The following MREG variants were observed in gnomAD, a reference collection of about 807,000 sequenced individuals.
MREG encodes the protein dilute suppressor protein homolog.
A neutral mutation model predicts 28.5 loss-of-function variants in MREG; 31 were observed. The ratio of observed to expected loss-of-function variants is 1.09; its 90% CI spans 0.82 to 1.47. MREG has a LOEUF of 1.47. MREG is among the 40% of genes most tolerant of loss of function. The probability of loss-of-function intolerance (pLI) is 0.00; values close to 1 mark genes in which losing one functional copy is unlikely to be tolerated. For missense variants in MREG, 256 were observed against 257.4 expected, an observed-to-expected ratio of 0.99 and a Z score of 0.04; for synonymous variants, 106 against 95.2, an observed-to-expected ratio of 1.11 and a Z score of -0.66.
At chr2:215,946,070 C>T (rs1692311336) in intron 3 of MREG, among the ~76,000 whole-genome samples, 1 of 151,942 alleles carries the variant, frequency 6.6e-6, no homozygotes, top group Non-Finnish European at 1.5e-5. Context: ...CCCCTGTCCC[C>T]AGAATTCCTA....
chr2:215,942,313 T>G (rs540844658), downstream of MREG, among the ~76,000 whole-genome samples: 2 of 151,878 alleles, frequency 1.3e-5, no homozygotes, highest in Admixed American at 1.3e-4. Flanking sequence ...AGACAAAAAG[T>G]GGGAAACTCT....
chr2:216,001,298 C>T (rs552823634), intron 1 of MREG, among the ~76,000 whole-genome samples: 18 of 152,220 alleles, frequency 1.2e-4, no homozygotes, highest in Non-Finnish European at 2.5e-4. Context: ...CCTGGGTTCT[C>T]ACCATATCTA....
In MREG at chr2:215,954,445, A is replaced by AAC. The variant is rs3078454; in HGVS notation, c.256-7334_256-7333dup. On this transcript the variant is annotated intron_variant, in intron 2 of 4. Transcript: ENST00000263268. ...TCCTTATTGTATTTGATCTGTGTAC[A>AAC]ACACACACACACACACACACACACA... 4.4e-3 allele frequency among the ~76,000 whole-genome samples: 607 copies of AAC among 136,574 alleles called. 2 individuals carry two copies. The highest frequency in any genetic ancestry group is 5.9e-3 in the East Asian group (27 of 4,584). 89.6% of individuals were successfully genotyped at this position (136,574 alleles called of 152,430 possible).
upstream of MREG, among the ~76,000 whole-genome samples, chr2:216,033,426 T>C (rs892990981): frequency 2.0e-5 from 3 of 152,178 alleles, no homozygotes; most frequent in Middle Eastern, 3.4e-3. Flanking sequence ...CCCAAGCAGT[T>C]GGACTCCAGT....
intron 2 of MREG, among the ~76,000 whole-genome samples, chr2:215,992,050 G>A (rs1574634447): frequency 6.6e-6 from 1 of 152,282 alleles, no homozygotes; most frequent in East Asian, 1.9e-4. Flanking sequence ...ATTTTATGAG[G>A]CCAGCCTCAT....
chr2:215,975,008 T>TTATATATATA lies in MREG; in HGVS notation c.255+21288_255+21297dup, dbSNP rs58937716. Among the ~76,000 whole-genome samples the TTATATATATA allele has an allele frequency of 1.3e-3, 139 of 106,610 alleles. 2 individuals are homozygous for TTATATATATA. Among genetic ancestry groups the TTATATATATA allele is most frequent in the Admixed American group, 3.7e-3 (33 of 8,882 alleles). 69.9% of individuals were successfully genotyped at this position (106,610 alleles called of 152,430 possible). ...GGGAGAGAATTTTATTTTATATGAA[T>TTATATATATA]TATATATATATATATATATGAAATA... On this transcript the variant is annotated intron_variant, in intron 2 of 4. Transcript: ENST00000263268.
At chr2:215,969,852 G>A (rs1693041595) in intron 2 of MREG, among the ~76,000 whole-genome samples, 6 of 152,148 alleles carry the variant, frequency 3.9e-5, no homozygotes. Flanking sequence ...GACTCCCTTT[G>A]TAAGCTTCCC....
intron 1 of MREG, among the ~76,000 whole-genome samples, chr2:216,031,491 A>AAG (rs1259797554): frequency 7.7e-6 from 1 of 130,496 alleles, no homozygotes; most frequent in Admixed American, 8.4e-5. Context: ...GAAAGAAAGA[A>AAG]AGAGAAAGAA....
At chr2:215,939,962 T>C (rs1341412236), downstream of MREG, among the ~76,000 whole-genome samples, 1 of 152,246 alleles carries the variant, frequency 6.6e-6, no homozygotes, top group Non-Finnish European at 1.5e-5. Context: ...CTAGCTATTA[T>C]GTCATTATTT....
At chr2:215,995,090 G>A (rs1341573038) in intron 2 of MREG, among the ~76,000 whole-genome samples, 1 of 152,180 alleles carries the variant, frequency 6.6e-6, no homozygotes, top group Non-Finnish European at 1.5e-5. Flanking sequence ...CCAATTATAT[G>A]CTCACAAAGG....
chr2:215,995,508 CA>C lies in MREG; in HGVS notation c.255+797del, dbSNP rs572297012. Reference sequence around the variant, plus strand: ...AGCTCCACAGCACCTCCACCCACCCCACCCCCCGCCACCAATATACACACTA... The same window carrying C: ...AGCTCCACAGCACCTCCACCCACCCCCCCCCCGCCACCAATATACACACTA... On this transcript the variant is annotated intron_variant, in intron 2 of 4. Coordinates refer to ENST00000263268, the MANE Select transcript of MREG (RefSeq NM_018000.3). 3.0e-3 allele frequency among the ~76,000 whole-genome samples: 409 copies of C among 135,480 alleles called. 13 individuals are homozygous for C. The highest frequency in any genetic ancestry group is 0.012 in the African/African-American group (345 of 28,486). 88.9% of individuals were successfully genotyped at this position (135,480 alleles called of 152,430 possible).
rs143244999 is a variant in MREG at position 216,026,473 on chromosome 2, G to T, written c.-68+6316C>A. On this transcript the variant is annotated intron_variant, in intron 1 of 3. Coordinates refer to the MREG transcript ENST00000420348. ...CTTCCCAGGGTCCAGCGATCCTCCC[G>T]TCTCAGCTTCCTGAGTAGCTGTGAC... Among the ~76,000 whole-genome samples, 591 of 152,048 alleles carry T rather than the reference G, an allele frequency of 3.9e-3. 2 individuals are homozygous for T. Among genetic ancestry groups the T allele is most frequent in the Middle Eastern group, 0.017 (5 of 294 alleles).
At chr2:215,990,722 CA>C (rs774172071) in intron 2 of MREG, among the ~76,000 whole-genome samples, 1 of 151,606 alleles carries the variant, frequency 6.6e-6, no homozygotes, top group African/African-American at 2.4e-5. Flanking sequence ...AAATGGAAAG[CA>C]AAAAAAGCAG....
intron 1 of MREG, among the ~76,000 whole-genome samples, chr2:215,999,653 G>A (rs115102162): frequency 0.011 from 1,664 of 152,328 alleles, 13 homozygotes; most frequent in Middle Eastern, 0.034. Flanking sequence ...AGTAAGCGAG[G>A]TTGAGAGCGA....
intron 2 of MREG, among the ~76,000 whole-genome samples, chr2:215,974,959 C>T (rs1465427907): frequency 7.1e-6 from 1 of 139,902 alleles, no homozygotes; most frequent in Non-Finnish European, 1.5e-5. Context: ...AAACAGCCAC[C>T]ACAAAATGTG....
intron 2 of MREG, among the ~76,000 whole-genome samples, chr2:215,949,683 C>G (rs938806368): frequency 2.6e-5 from 4 of 152,102 alleles, no homozygotes; most frequent in African/African-American, 9.7e-5. Flanking sequence ...TTGCTCTGCT[C>G]TAAGTACTAG....
At chr2:215,955,318 A>T (rs1692593901) in intron 2 of MREG, among the ~76,000 whole-genome samples, 1 of 152,328 alleles carries the variant, frequency 6.6e-6, no homozygotes, top group African/African-American at 2.4e-5. Flanking sequence ...CATGTGCCTT[A>T]AAACTTGAAC....
At chr2:215,998,205 T>C (rs2106019055) in intron 1 of MREG, among the ~76,000 whole-genome samples, 2 of 151,536 alleles carry the variant, frequency 1.3e-5, no homozygotes, top group African/African-American at 4.9e-5. Flanking sequence ...CTCGGGAGGC[T>C]GAGGCAGGAA....
intron 2 of MREG, among the ~76,000 whole-genome samples, chr2:215,989,155 A>G (rs1693657681): frequency 6.6e-6 from 1 of 152,160 alleles, no homozygotes; most frequent in Non-Finnish European, 1.5e-5. Flanking sequence ...TCCTGCTGGT[A>G]TCTGGTGGGT....
Sources: allele counts gnomAD v4.1 joint callset (sites outside exome capture counted in the v4.1 genomes callset), GRCh38; gene constraint gnomAD v4.1.1; transcripts MANE v1.5; gene names NCBI Gene and HGNC (gene_info 2026-07-23, HGNC 2026-07-21).